RABGAP1L: variants seen among roughly 807,000 people sequenced by gnomAD.
RABGAP1L encodes RAB GTPase activating protein 1 like.
In RABGAP1L, 63 loss-of-function variants were observed where a neutral mutation model predicts 137.7. The observed-to-expected ratio is 0.46, with a 90% CI of 0.37 to 0.56. The LOEUF (loss-of-function observed/expected upper bound fraction) is 0.56. Ranked by LOEUF, RABGAP1L falls within the 20% of genes least tolerant of loss-of-function variation. The pLI is 0.00. For missense variants in RABGAP1L, 1,095 were observed against 1,244.0 expected, an observed-to-expected ratio of 0.88 and a Z score of 1.80; for synonymous variants, 431 against 433.7, an observed-to-expected ratio of 0.99 and a Z score of 0.08.
chr1:174,926,296 C>T (rs527344277), intron 19 of RABGAP1L, among the ~76,000 whole-genome samples: 7 of 152,130 alleles, frequency 4.6e-5, no homozygotes, highest in African/African-American at 1.7e-4. Context: ...TTTTTGATCA[C>T]TTTGTCAAGG....
intron 18 of RABGAP1L, among the ~76,000 whole-genome samples, chr1:174,774,451 G>T (rs1793293): frequency 0.5 from 75,646 of 151,864 alleles, 21,518 homozygotes; most frequent in East Asian, 0.71. Context: ...AAAAAAAATA[G>T]CAAGGCATAG....
At chr1:174,678,857 C>G (rs890319009) in intron 14 of RABGAP1L, among the ~76,000 whole-genome samples, 3 of 152,256 alleles carry the variant, frequency 2.0e-5, no homozygotes, top group Middle Eastern at 3.2e-3. Context: ...GTGGGCGCCA[C>G]CTCACTGGAT....
At chr1:174,192,947 T>C (rs1454380885) in intron 1 of RABGAP1L, among the ~76,000 whole-genome samples, 3 of 152,220 alleles carry the variant, frequency 2.0e-5, no homozygotes, top group African/African-American at 4.8e-5. Flanking sequence ...AGATCTGGAC[T>C]GAATTATGTA....
chr1:174,703,640 T>G (rs893458012), intron 17 of RABGAP1L, among the ~76,000 whole-genome samples: 3 of 152,234 alleles, frequency 2.0e-5, no homozygotes, highest in Non-Finnish European at 4.4e-5. Flanking sequence ...GTAGTTCTAT[T>G]TTTAATTCTT....
intron 19 of RABGAP1L, among the ~76,000 whole-genome samples, chr1:174,826,280 G>A (rs967648175): frequency 1.3e-5 from 2 of 152,084 alleles, no homozygotes; most frequent in African/African-American, 4.8e-5. Context: ...TGCCCAGGCT[G>A]GAGTGCAATG....
At chr1:174,611,256 T>G (rs1671220512) in intron 13 of RABGAP1L, among the ~76,000 whole-genome samples, 2 of 150,286 alleles carry the variant, frequency 1.3e-5, no homozygotes, top group Admixed American at 6.6e-5. Context: ...AGGGATCCAG[T>G]TTCAGCTTTC....
At chr1:174,455,961 T>A (rs1655999164) in intron 13 of RABGAP1L, among the ~76,000 whole-genome samples, 1 of 152,108 alleles carries the variant, frequency 6.6e-6, no homozygotes, top group Admixed American at 6.5e-5. Context: ...ACAATAATAT[T>A]GCCTGTGATA....
chr1:174,529,350 G>T (rs1343546688), intron 13 of RABGAP1L, among the ~76,000 whole-genome samples: 1 of 152,018 alleles, frequency 6.6e-6, no homozygotes, highest in African/African-American at 2.4e-5. Flanking sequence ...GGACACTTTG[G>T]CTTTGATTCT....
intron 19 of RABGAP1L, among the ~76,000 whole-genome samples, chr1:174,863,242 A>AG (rs1553267210): frequency 2.3e-5 from 3 of 129,006 alleles, no homozygotes; most frequent in Admixed American, 7.7e-5. Flanking sequence ...GCAAAAAAAA[A>AG]AAAAAAGAAA....
At chr1:174,617,027 C>G (rs1264229645) in intron 13 of RABGAP1L, among the ~76,000 whole-genome samples, 1 of 152,000 alleles carries the variant, frequency 6.6e-6, no homozygotes, top group Non-Finnish European at 1.5e-5. Context: ...AAGCAGAAGA[C>G]AAGAAGTAAG....
chr1:174,312,937 T>A (rs1678995227), intron 11 of RABGAP1L, among the ~76,000 whole-genome samples: 1 of 152,196 alleles, frequency 6.6e-6, no homozygotes. Context: ...GGGTTCTCTC[T>A]TCAGTTCCAT....
chr1:174,822,377 T>C (rs1691122234), intron 19 of RABGAP1L, among the ~76,000 whole-genome samples: 1 of 152,246 alleles, frequency 6.6e-6, no homozygotes, highest in Admixed American at 6.5e-5. Context: ...GATTGGGGTA[T>C]TGTTTTGTTT....
At chr1:174,341,409 T>G (rs960245232) in intron 11 of RABGAP1L, among the ~76,000 whole-genome samples, 1 of 152,218 alleles carries the variant, frequency 6.6e-6, no homozygotes, top group Non-Finnish European at 1.5e-5. Context: ...GGTTGTATGA[T>G]TTCTTTATCA....
intron 15 of RABGAP1L, among the ~76,000 whole-genome samples, chr1:174,693,909 CAAA>C (rs1679055183): frequency 6.6e-6 from 1 of 152,074 alleles, no homozygotes; most frequent in Non-Finnish European, 1.5e-5. Context: ...ATTTTCAGAG[CAAA>C]TGGCAAATGA....
At chr1:174,230,460 G>A (rs560615418) in intron 3 of RABGAP1L, among the ~76,000 whole-genome samples, 1 of 152,192 alleles carries the variant, frequency 6.6e-6, no homozygotes, top group African/African-American at 2.4e-5. Flanking sequence ...GTGAAGGGAC[G>A]ATTTCTGGTC....
At chr1:174,898,936 G>A (rs1657681565) in intron 19 of RABGAP1L, among the ~76,000 whole-genome samples, 1 of 152,146 alleles carries the variant, frequency 6.6e-6, no homozygotes, top group Non-Finnish European at 1.5e-5. Context: ...CAAAAAAAGG[G>A]TATGAGTTTT....
chr1:174,639,554 C>T lies in RABGAP1L; in HGVS notation c.1824+2066C>T, dbSNP rs552163690. Among the ~76,000 whole-genome samples, 5 of 151,874 alleles carry T rather than the reference C, an allele frequency of 3.3e-5. No individual in the cohort carries two copies. The East Asian group carries it at 9.7e-4, about 29-fold the overall frequency. ...TTATGGCATATGCAACATTTTTTTC[C>T]CCTAGCATATAGTATATTTTCAGCC... On this transcript the variant is annotated intron_variant, in intron 14 of 25. Transcript: ENST00000681986.
At chr1:174,514,051 A>G (rs925295004) in intron 13 of RABGAP1L, among the ~76,000 whole-genome samples, 1 of 152,148 alleles carries the variant, frequency 6.6e-6, no homozygotes, top group African/African-American at 2.4e-5. Flanking sequence ...TTCAGCTATC[A>G]GAGCAGGAAC....
chr1:174,538,299 C>A (rs1665055050), intron 13 of RABGAP1L, among the ~76,000 whole-genome samples: 1 of 152,066 alleles, frequency 6.6e-6, no homozygotes, highest in African/African-American at 2.4e-5. Context: ...TTTTTGGTTT[C>A]TTTGTAAATC....
Sources: allele counts gnomAD v4.1 joint callset (sites outside exome capture counted in the v4.1 genomes callset), GRCh38; gene constraint gnomAD v4.1.1; transcripts MANE v1.5; gene names NCBI Gene and HGNC (gene_info 2026-07-23, HGNC 2026-07-21).